Variants in PARP10 observed in about 807,000 individuals in gnomAD.
PARP10 encodes poly(ADP-ribose) polymerase family member 10, also known as protein mono-ADP-ribosyltransferase PARP10.
Under a neutral mutation model 82.4 loss-of-function variants are expected in PARP10, and 56 were observed. That is an observed-to-expected ratio of 0.68 (90% CI 0.55 to 0.85). PARP10 has a LOEUF of 0.85. PARP10 is among the 40% of genes least tolerant of loss of function. The pLI, the probability that PARP10 is intolerant of heterozygous loss-of-function variation, is 0.00. For missense variants in PARP10, 1,227 were observed against 1,379.4 expected, an observed-to-expected ratio of 0.89 and a Z score of 1.75; for synonymous variants, 576 against 601.1, an observed-to-expected ratio of 0.96 and a Z score of 0.61.
chr8:143,992,413 T>C, upstream of PARP10: 1 of 1,612,824 alleles, frequency 6.2e-7, no homozygotes, highest in Non-Finnish European at 8.5e-7. Context: ...CCGCAGGGGC[T>C]GAGCAGCTTT....
chr8:143,983,127 A>G (rs1833901269), intron 8 of PARP10, 40 bp downstream of exon 8: 2 of 1,612,206 alleles, frequency 1.2e-6, no homozygotes, highest in Non-Finnish European at 1.7e-6. Flanking sequence ...CCTGCTAACC[A>G]GCCCACCCCA....
At chr8:143,992,896 C>T (rs1834125169), upstream of PARP10, 1 of 1,534,846 alleles carries the variant, frequency 6.5e-7, no homozygotes, top group Non-Finnish European at 8.9e-7. Flanking sequence ...TGGACCCTGC[C>T]CCTGGCACGG....
intron 1 of PARP10, among the ~76,000 whole-genome samples, chr8:144,004,094 C>T (rs1452242163): frequency 1.3e-5 from 2 of 152,054 alleles, no homozygotes; most frequent in East Asian, 1.9e-4. Flanking sequence ...AGGAGGATCG[C>T]TTGAGGCCAG....
At chr8:143,983,968 A>G in intron 7 of PARP10, 40 bp downstream of exon 7, 1 of 1,486,744 alleles carries the variant, frequency 6.7e-7, no homozygotes, top group Non-Finnish European at 9.0e-7. Flanking sequence ...AGGTCAAGTG[A>G]GGGCCACAGG....
intron 1 of PARP10, among the ~76,000 whole-genome samples, chr8:144,010,261 G>A (rs1415341295): frequency 6.6e-6 from 1 of 152,198 alleles, no homozygotes; most frequent in East Asian, 1.9e-4. Flanking sequence ...TCCACTAGCT[G>A]GTAAAGTCGA....
At chr8:143,993,593 C>A (rs1554750958), upstream of PARP10, among the ~76,000 whole-genome samples, 1 of 152,226 alleles carries the variant, frequency 6.6e-6, no homozygotes, top group African/African-American at 2.4e-5. Flanking sequence ...AACTGATGGA[C>A]AGAGACCCTG....
At position 143,978,087 on chromosome 8, in the gene PARP10, G is replaced by C. The variant is rs1027658365; in HGVS notation, c.2557-6C>G. On this transcript the variant is annotated splice_region_variant and splice_polypyrimidine_tract_variant and intron_variant, in intron 9 of 10. Transcript: ENST00000313028. The stretch of plus-strand genomic sequence containing the variant: ...GGGTGCGACACGCGCTCCACCTGCG[G>C]GGAAGGCCCGGGCCAGGATTAAACA... 5 of 1,502,676 alleles carry C rather than the reference G, an allele frequency of 3.3e-6. No individual in the cohort carries two copies. The African/African-American group carries it at 5.5e-5, about 17-fold the overall frequency. 93.1% of individuals were successfully genotyped at this position (1,502,676 alleles called of 1,614,324 possible). A position where few individuals can be genotyped will look rare whatever the true frequency, so the allele number is the denominator to read the frequency against.
upstream of PARP10, chr8:143,990,870 C>A (rs1056710382): frequency 1.2e-5 from 2 of 165,204 alleles, no homozygotes; most frequent in Non-Finnish European, 2.6e-5. This position sits in a 1 kb window ranked among gnomAD's most constrained non-coding sequence, Gnocchi z 5.6. Flanking sequence ...AGCTCCCACC[C>A]GGGAGACGCC....
At chr8:143,987,905 A>T (rs1299001935), upstream of PARP10, among the ~76,000 whole-genome samples, 9 of 150,918 alleles carry the variant, frequency 6.0e-5, no homozygotes, top group African/African-American at 2.2e-4. Flanking sequence ...AAAAACAAAA[A>T]CCCAAAGTCC....
chr8:143,991,831 G>A, upstream of PARP10: 1 of 1,607,970 alleles, frequency 6.2e-7, no homozygotes, highest in Non-Finnish European at 8.5e-7. Context: ...CCAAGGCGGT[G>A]GGGGCTGTGG....
rs1299345904 is a variant in PARP10, at chr8:143,985,559, G to A, written c.526C>T (p.Arg176Cys). 31 of 1,613,812 alleles carry A rather than the reference G, an allele frequency of 1.9e-5. No individual in the cohort carries two copies. Among genetic ancestry groups the A allele is most frequent in the Middle Eastern group, 1.6e-4 (1 of 6,084 alleles). Residue 176 changes from arginine (R) to cysteine (C), a missense_variant, in exon 4 of 11, where the codon CGT (arginine) becomes TGT (cysteine). Physicochemically the swap from Arg to Cys is radical, Grantham distance 180 (BLOSUM62 -3). Transcript: ENST00000313028. ...LARVPQARAV[R>C]VVGDGASVDL... ...ACAGAGGCACCATCCCCCACCACACGCACCGCTCGGGCCTGGGGAACCCGG... is the reference window on the plus strand; with the variant it reads ...ACAGAGGCACCATCCCCCACCACACACACCGCTCGGGCCTGGGGAACCCGG...
chr8:144,002,319 T>C (rs1236630739), intron 1 of PARP10, among the ~76,000 whole-genome samples: 2 of 152,008 alleles, frequency 1.3e-5, no homozygotes, highest in Non-Finnish European at 2.9e-5. Context: ...CAAGCTGAGG[T>C]AGGAGGATTG....
chr8:144,003,428 CA>C (rs782496305), intron 1 of PARP10, among the ~76,000 whole-genome samples: 7,847 of 56,180 alleles, frequency 0.14, 386 homozygotes, highest in African/African-American at 0.35. Flanking sequence ...AACTCTGTCT[CA>C]AAAAAAAAAA....
At chr8:143,993,101 C>T (rs1834128445), upstream of PARP10, 9 of 473,518 alleles carry the variant, frequency 1.9e-5, no homozygotes, top group South Asian at 2.1e-4. Flanking sequence ...CTCCTGTCTA[C>T]TCATTGTTGC....
upstream of PARP10, chr8:143,991,315 C>A (rs782781264): frequency 4.3e-6 from 6 of 1,405,020 alleles, no homozygotes; most frequent in East Asian, 2.4e-5. Context: ...CCCATGCCCC[C>A]CTATGCTCAG....
upstream of PARP10, chr8:143,986,846 C>T (rs975882472): frequency 2.2e-5 from 4 of 179,676 alleles, no homozygotes; most frequent in Admixed American, 5.7e-5. Flanking sequence ...TCTCCAGGCC[C>T]GCCCCCGGCC....
At chr8:144,000,530 T>C (rs1554751619) in intron 1 of PARP10, among the ~76,000 whole-genome samples, 1 of 152,134 alleles carries the variant, frequency 6.6e-6, no homozygotes, top group South Asian at 2.1e-4. Flanking sequence ...TTACCAATGC[T>C]AATAAACTAA....
upstream of PARP10, chr8:143,991,019 C>T (rs1435433818): frequency 1.2e-5 from 5 of 424,354 alleles, no homozygotes; most frequent in Non-Finnish European, 2.1e-5. Flanking sequence ...CGGCGCCGCC[C>T]GTCCGGTCCT....
At position 143,985,035 on chromosome 8, in the gene PARP10, C is replaced by T; in HGVS notation, c.967G>A (p.Gly323Ser). ...MVQGRGIMTT[G>S]SGQEPGQSGT... is the part of the protein sequence containing the mutation. Reference sequence around the variant, plus strand: ...GACTGCCCTGGTTCCTGGCCAGAGCCTGTTGTCATAATCCCTCTACCCTGC... The same window carrying T: ...GACTGCCCTGGTTCCTGGCCAGAGCTTGTTGTCATAATCCCTCTACCCTGC... Residue 323 changes from glycine to serine, a missense_variant, in exon 5 of 11, where the codon GGC becomes AGC. Physicochemically the swap from Gly to Ser is moderately conservative, Grantham distance 56. Transcript: ENST00000313028. The T allele has an allele frequency of 6.2e-7, 1 of 1,613,878 alleles. No individual in the cohort carries two copies. The highest frequency in any genetic ancestry group is 8.5e-7 in the Non-Finnish European group (1 of 1,179,960).
Sources: gnomAD v4.1 joint callset for allele counts (sites outside exome capture counted in the v4.1 genomes callset) on GRCh38, gnomAD v4.1.1 for gene constraint, Gnocchi (gnomAD v3.1) non-coding constraint, MANE v1.5 for transcripts, NCBI Gene and HGNC (gene_info 2026-07-23, HGNC 2026-07-21) for gene names.